TJP2: variants seen among roughly 807,000 people sequenced by gnomAD.
TJP2 encodes the protein Friedreich ataxia region gene X104 (tight junction protein ZO-2).
A neutral mutation model predicts 133.1 loss-of-function variants in TJP2; 91 were observed. The observed-to-expected ratio is 0.68, with a 90% CI of 0.58 to 0.81. The LOEUF (loss-of-function observed/expected upper bound fraction) is 0.81. Among genes scored for constraint, TJP2 ranks in the 40% least tolerant of loss-of-function variants. The pLI, the probability that TJP2 is intolerant of heterozygous loss-of-function variation, is 0.00. For missense variants in TJP2, 1,541 were observed against 1,565.6 expected, an observed-to-expected ratio of 0.98 and a Z score of 0.26; for synonymous variants, 592 against 583.4, an observed-to-expected ratio of 1.01 and a Z score of -0.21.
intron 1 of TJP2, among the ~76,000 whole-genome samples, chr9:69,176,013 G>T (rs529392295): frequency 1.2e-4 from 18 of 152,184 alleles, no homozygotes; most frequent in Non-Finnish European, 2.2e-4. Context: ...GCATTTAGGG[G>T]TCTAGTGGAC....
intron 2 of TJP2, among the ~76,000 whole-genome samples, chr9:69,154,782 TA>T (rs904337872): frequency 1.8e-4 from 27 of 151,238 alleles, no homozygotes; most frequent in Non-Finnish European, 3.4e-4. Context: ...TAATTTTATA[TA>T]AAAAAATTAA....
chr9:69,132,179 C>T (rs1170505286), intron 1 of TJP2, among the ~76,000 whole-genome samples: 1 of 152,196 alleles, frequency 6.6e-6, no homozygotes, highest in Non-Finnish European at 1.5e-5. Context: ...CACTGGTGTC[C>T]TCTGCCTACC....
Position 69,236,104 on chromosome 9 carries a change from T to C in TJP2, c.1857T>C (p.Thr619=), listed in dbSNP as rs139082742. ...GCCACTTTGAATGTGAGAAGGAAACTCCACAGAGCCTGGCCTTCACCAGAG... is the reference window on the plus strand; with the variant it reads ...GCCACTTTGAATGTGAGAAGGAAACCCCACAGAGCCTGGCCTTCACCAGAG... ...IRSHFECEKE[T]PQSLAFTRGE... Residue 619 remains threonine (T), a synonymous_variant, in exon 13 of 23, where the codon ACT becomes ACC. Coordinates refer to ENST00000377245, the MANE Select transcript of TJP2 (RefSeq NM_004817.4). 3 of 1,613,978 alleles carry C rather than the reference T, an allele frequency of 1.9e-6. No homozygotes were observed. The highest frequency in any genetic ancestry group is 2.7e-5 in the African/African-American group (2 of 74,888).
At chr9:69,246,544 T>C in intron 17 of TJP2, 146 bp from the exon 18 acceptor site, 1 of 731,146 alleles carries the variant, frequency 1.4e-6, no homozygotes. Context: ...TTAAAAGGGT[T>C]TTAATATTCA....
intron 5 of TJP2, among the ~76,000 whole-genome samples, chr9:69,223,069 G>GAAAAGA (rs1829019175): frequency 8.8e-6 from 1 of 114,084 alleles, no homozygotes; most frequent in Non-Finnish European, 1.7e-5. Context: ...ACTCTGTCTT[G>GAAAAGA]AAAAAAAAAA....
chr9:69,250,172 G>A (rs545470789), intron 20 of TJP2, among the ~76,000 whole-genome samples: 1 of 152,022 alleles, frequency 6.6e-6, no homozygotes, highest in African/African-American at 2.4e-5. Flanking sequence ...GTGCAATCTC[G>A]GCTCACTGCA....
chr9:69,218,907 G>A (rs1236299469), intron 4 of TJP2, among the ~76,000 whole-genome samples: 2 of 123,162 alleles, frequency 1.6e-5, no homozygotes, highest in Non-Finnish European at 3.5e-5. Flanking sequence ...TGGTAATAAA[G>A]TGTGCTTAGG....
rs369223517 is a variant in TJP2, at chr9:69,229,246, T to C, written c.1516T>C (p.Tyr506His). 4.3e-6 allele frequency: 7 copies of C among 1,613,646 alleles called. No homozygotes were observed. The highest frequency in any genetic ancestry group is 1.3e-5 in the African/African-American group (1 of 74,908). The part of the protein sequence containing the change: ...LRPSPEDEAI[Y>H]GPNTKMVRFK... ...TCCTAGTCCTGAAGATGAAGCAATA[T>C]ATGGGTATGTATTTCCGTCTCTCTT... Residue 506 changes from tyrosine (Y) to histidine (H), a missense_variant, in exon 10 of 23, where the codon TAT (tyrosine) becomes CAT (histidine). Transcript: ENST00000377245.
intron 1 of TJP2, among the ~76,000 whole-genome samples, chr9:69,200,104 T>A (rs968412617): frequency 6.6e-6 from 1 of 152,216 alleles, no homozygotes; most frequent in African/African-American, 2.4e-5. Context: ...TGTCTGTCCC[T>A]GCTGAGAACG....
intron 1 of TJP2, among the ~76,000 whole-genome samples, chr9:69,183,127 C>T (rs1825632948): frequency 6.6e-6 from 1 of 152,056 alleles, no homozygotes; most frequent in African/African-American, 2.4e-5. Context: ...GTAAAGTACA[C>T]ATAACATTAA....
intron 17 of TJP2, among the ~76,000 whole-genome samples, chr9:69,242,466 AAAGTTTTAGAATAACTC>A (rs1254985598): frequency 6.6e-6 from 1 of 152,240 alleles, no homozygotes; most frequent in African/African-American, 2.4e-5. Context: ...CAGGAAGTTG[AAAGTTTTAGAATAACTC>A]AAGTCAGAGA....
At chr9:69,172,661 TC>T (rs1409763511), upstream of TJP2, among the ~76,000 whole-genome samples, 1 of 152,232 alleles carries the variant, frequency 6.6e-6, no homozygotes, top group Non-Finnish European at 1.5e-5. Context: ...TGGCCACCTT[TC>T]AAGTGCTATC....
chr9:69,181,870 AT>A (rs1825536147), intron 1 of TJP2, among the ~76,000 whole-genome samples: 1 of 152,170 alleles, frequency 6.6e-6, no homozygotes, highest in Non-Finnish European at 1.5e-5. Flanking sequence ...TGCAGCTTAA[AT>A]TATGTACCAG....
intron 2 of TJP2, among the ~76,000 whole-genome samples, chr9:69,162,002 C>A (rs930791341): frequency 6.7e-6 from 1 of 149,870 alleles, no homozygotes; most frequent in Non-Finnish European, 1.5e-5. Context: ...CAAGATCATG[C>A]CATGGTACTC....
chr9:69,178,287 T>A, intron 1 of TJP2, among the ~76,000 whole-genome samples: 1 of 152,212 alleles, frequency 6.6e-6, no homozygotes, highest in East Asian at 1.9e-4. Flanking sequence ...TTATGATGCA[T>A]GAATATTATA....
chr9:69,227,224 G>A (rs1438979902), intron 7 of TJP2, among the ~76,000 whole-genome samples: 1 of 152,046 alleles, frequency 6.6e-6, no homozygotes, highest in Non-Finnish European at 1.5e-5. Flanking sequence ...GTGCAGTGCA[G>A]GAAAACAAAA....
At chr9:69,155,213 T>G (rs1587922621) in intron 2 of TJP2, among the ~76,000 whole-genome samples, 1 of 96,934 alleles carries the variant, frequency 1.0e-5, no homozygotes, top group Non-Finnish European at 1.9e-5. Context: ...GGCGAAAGAG[T>G]GAAACTCCAT....
In TJP2 at chr9:69,236,036, GA is replaced by G; in HGVS notation, c.1790del (p.Asp597AlafsTer13). On this transcript the variant is annotated frameshift_variant, in exon 13 of 23. Coordinates refer to ENST00000377245, the MANE Select transcript of TJP2 (RefSeq NM_004817.4). LOFTEE classifies it high-confidence loss of function. ...ATGCTTTTGTCTTTCAGTGTATAGA[GA>G]CATCCTGGCTTGTGGCAGAGGGGAT... ...LAQSRADVYR[D>X]ILACGRGDSF... The G allele has an allele frequency of 6.2e-7, 1 of 1,614,172 alleles. No individual in the cohort carries two copies. Among genetic ancestry groups the G allele is most frequent in the Non-Finnish European group, 8.5e-7 (1 of 1,180,006 alleles).
chr9:69,229,620 G>A (rs118113926), intron 10 of TJP2, among the ~76,000 whole-genome samples: 1,928 of 152,294 alleles, frequency 0.013, 30 homozygotes, highest in African/African-American at 0.037. Flanking sequence ...GTGTCAGTCC[G>A]TGTGGGGGAG....
Sources: gnomAD v4.1 joint callset for allele counts (sites outside exome capture counted in the v4.1 genomes callset) on GRCh38, gnomAD v4.1.1 for gene constraint, MANE v1.5 for transcripts, NCBI Gene and HGNC (gene_info 2026-07-23, HGNC 2026-07-21) for gene names.